The following GFPT1 variants were observed in gnomAD, a reference collection of about 807,000 sequenced individuals.
The protein encoded by GFPT1 is glutamine--fructose-6-phosphate transaminase 1.
Under a neutral mutation model 92.0 loss-of-function variants are expected in GFPT1, and 40 were observed. The observed-to-expected ratio is 0.43, with a 90% confidence interval of 0.34 to 0.57. The LOEUF (loss-of-function observed/expected upper bound fraction) is 0.57. Among genes scored for constraint, GFPT1 ranks in the 20% least tolerant of loss-of-function variants. The probability of loss-of-function intolerance (pLI) is 0.02; values close to 1 mark genes in which losing one functional copy is unlikely to be tolerated. For synonymous variants in GFPT1, 269 were observed against 280.6 expected, an observed-to-expected ratio of 0.96 and a Z score of 0.41; for missense variants, 448 against 869.1, an observed-to-expected ratio of 0.52 and a Z score of 6.09.
At chr2:69,365,512 A>G (rs1035737192) in intron 3 of GFPT1, among the ~76,000 whole-genome samples, 24 of 152,326 alleles carry the variant, frequency 1.6e-4, no homozygotes, top group South Asian at 1.4e-3. Flanking sequence ...CCACAATGGT[A>G]TATTCTATTG....
At chr2:69,378,896 C>T (rs887863906) in intron 1 of GFPT1, among the ~76,000 whole-genome samples, 6 of 152,112 alleles carry the variant, frequency 3.9e-5, no homozygotes, top group Non-Finnish European at 7.3e-5. Context: ...GTCACTTAAA[C>T]TCTAAATTTT....
chr2:69,364,393 G>A (rs1671556975), intron 3 of GFPT1, among the ~76,000 whole-genome samples: 1 of 152,114 alleles, frequency 6.6e-6, no homozygotes, highest in Non-Finnish European at 1.5e-5. Flanking sequence ...CAAGTTTCCT[G>A]GAGATACAAA....
rs371453590 is a variant in GFPT1 at position 69,382,146 on chromosome 2, G to A, written c.7+4919C>T. Among the ~76,000 whole-genome samples the A allele has an allele frequency of 1.8e-4, 27 of 152,252 alleles. No individual in the cohort carries two copies. The East Asian group carries it at 4.0e-3, about 23-fold the overall frequency. ...CCCAAAATGCTGGTATTACCAGAGG[G>A]AACCCCACACTGGGCCTTACTCCTA... On this transcript the variant is annotated intron_variant, in intron 1 of 19. Transcript: ENST00000357308.
chr2:69,368,210 A>G (rs570999313), intron 3 of GFPT1, among the ~76,000 whole-genome samples: 16 of 152,342 alleles, frequency 1.1e-4, no homozygotes, highest in South Asian at 2.1e-4. Flanking sequence ...GTGAAACCCC[A>G]TCTCTACTAA....
rs748958210 is a variant in GFPT1, at chr2:69,352,612, C to CAAAAA, written c.739+1642_739+1646dup. 6.1e-3 allele frequency among the ~76,000 whole-genome samples: 285 copies of CAAAAA among 46,732 alleles called. 10 individuals carry two copies. Among genetic ancestry groups the CAAAAA allele is most frequent in the African/African-American group, 6.8e-3 (89 of 13,014 alleles). 30.7% of individuals were successfully genotyped at this position (46,732 alleles called of 152,430 possible). On this transcript the variant is annotated intron_variant, in intron 9 of 19. Transcript: ENST00000357308. ...TGAGCAACAGAGCGAGACTTCGTCT[C>CAAAAA]AAAAAAAAAAAAAAAAAAAAAAAAA... is the stretch of plus-strand genomic sequence containing the variant.
rs140516718 is a variant in GFPT1 at position 69,357,762 on chromosome 2, G to A, written c.543+567C>T. On this transcript the variant is annotated intron_variant, in intron 6 of 19. Coordinates refer to ENST00000357308, the MANE Select transcript of GFPT1 (RefSeq NM_001244710.2). The stretch of plus-strand genomic sequence containing the variant: ...CTTTGATGTCTTTAATCTTTAATTA[G>A]GAATGTTGGATGGAATCAAAAAGAA... 2.0e-5 allele frequency among the ~76,000 whole-genome samples: 3 copies of A among 152,262 alleles called. No individual in the cohort carries two copies. In the East Asian group the frequency reaches 5.8e-4, roughly 29 times the overall value.
At chr2:69,347,764 T>G (rs1240946787) in intron 11 of GFPT1, among the ~76,000 whole-genome samples, 1 of 152,166 alleles carries the variant, frequency 6.6e-6, no homozygotes, top group African/African-American at 2.4e-5. Context: ...ATTACAGGTG[T>G]GAGCCACCGC....
chr2:69,348,362 A>G (rs1243446050), intron 10 of GFPT1, 28 bp from the exon 11 acceptor site: 2 of 1,529,716 alleles, frequency 1.3e-6, no homozygotes, highest in East Asian at 2.2e-5. Context: ...AGATATTACA[A>G]TCGATAACCA....
chr2:69,339,596 T>TA (rs1217160737), intron 13 of GFPT1, among the ~76,000 whole-genome samples: 6 of 152,230 alleles, frequency 3.9e-5, no homozygotes, highest in Non-Finnish European at 8.8e-5. Flanking sequence ...GGAGCTCACC[T>TA]AACCTGACAG....
rs116751403 is a variant in GFPT1, at chr2:69,358,778, C to A, written c.409-315G>T. On this transcript the variant is annotated intron_variant, in intron 5 of 19. Transcript: ENST00000357308. ...TACTAGCTCAACAACCACATGTGGA[C>A]AGTGGCTACTATACTGAATAGCCCA... Among the ~76,000 whole-genome samples the A allele has an allele frequency of 0.027, 4,128 of 152,256 alleles. 195 individuals are homozygous for A. The highest frequency in any genetic ancestry group is 0.095 in the African/African-American group (3,928 of 41,538).
At position 69,325,916 on chromosome 2, in the gene GFPT1, CAGCATTCTTTAAAGAAAATAAT is replaced by C; in HGVS notation, c.*251_*272del. On this transcript the variant is annotated 3_prime_UTR_variant, in exon 20 of 20. Coordinates refer to ENST00000357308, the MANE Select transcript of GFPT1 (RefSeq NM_001244710.2). Reference sequence around the variant, plus strand: ...GTGGAGGGTCCAGAAATGCAACACCCAGCATTCTTTAAAGAAAATAATAGCTAGAATCTTTCTGATACAGATT... The same window carrying C: ...GTGGAGGGTCCAGAAATGCAACACCCAGCTAGAATCTTTCTGATACAGATT... 2 of 374,490 alleles carry C rather than the reference CAGCATTCTTTAAAGAAAATAAT, an allele frequency of 5.3e-6. No individual in the cohort carries two copies. 23.2% of individuals were successfully genotyped at this position (374,490 alleles called of 1,614,324 possible).
chr2:69,322,927 A>G lies in GFPT1; in HGVS notation c.*3262T>C, dbSNP rs1348929217. ...CTTCATCTTCCCATTCTCTCACCCTATGCCTTCCAATGAACCTAGTCTTTG... is the reference window on the plus strand; with the variant it reads ...CTTCATCTTCCCATTCTCTCACCCTGTGCCTTCCAATGAACCTAGTCTTTG... On this transcript the variant is annotated 3_prime_UTR_variant, in exon 20 of 20. Transcript: ENST00000357308. 2.6e-5 allele frequency: 4 copies of G among 152,168 alleles called. No individual in the cohort carries two copies. 9.4% of individuals were successfully genotyped at this position (152,168 alleles called of 1,614,324 possible). A position where few individuals can be genotyped will look rare whatever the true frequency, so the allele number is the denominator to read the frequency against.
intron 15 of GFPT1, among the ~76,000 whole-genome samples, chr2:69,335,499 A>C (rs1301766515): frequency 6.6e-6 from 1 of 152,182 alleles, no homozygotes; most frequent in Non-Finnish European, 1.5e-5. Context: ...CCCATATCCC[A>C]CATACACCAC....
intron 11 of GFPT1, among the ~76,000 whole-genome samples, chr2:69,346,990 A>G (rs772955473): frequency 3.3e-5 from 5 of 151,672 alleles, no homozygotes; most frequent in Non-Finnish European, 7.4e-5. Flanking sequence ...CCTCACTGCA[A>G]CCTCTGCCTC....
chr2:69,338,568 G>A lies in GFPT1; in HGVS notation c.1204-3C>T, dbSNP rs1307653021. The A allele has an allele frequency of 1.2e-6, 2 of 1,613,782 alleles. No homozygotes were observed. Among genetic ancestry groups the A allele is most frequent in the South Asian group, 1.1e-5 (1 of 91,064 alleles). ...AGCTCCTCAAGAACTTGACGTGTCT[G>A]CAGAGAAAATATGACTTGGTCACAG... On this transcript the variant is annotated splice_polypyrimidine_tract_variant and splice_region_variant and intron_variant, in intron 13 of 19. Coordinates refer to ENST00000357308, the MANE Select transcript of GFPT1 (RefSeq NM_001244710.2).
At chr2:69,329,645 C>T in intron 16 of GFPT1, 39 bp downstream of exon 16, 1 of 1,350,540 alleles carries the variant, frequency 7.4e-7, no homozygotes, top group Non-Finnish European at 1.1e-6. Flanking sequence ...TACCCACTCC[C>T]TTAGACAACA....
chr2:69,378,639 T>G (rs1465129867), intron 1 of GFPT1, among the ~76,000 whole-genome samples: 1 of 152,212 alleles, frequency 6.6e-6, no homozygotes, highest in Non-Finnish European at 1.5e-5. Context: ...ACACACCTGG[T>G]TGAAAGCAAT....
chr2:69,327,137 T>C, intron 18 of GFPT1, 62 bp from the exon 19 acceptor site: 1 of 1,498,936 alleles, frequency 6.7e-7, no homozygotes, highest in Non-Finnish European at 9.3e-7. Flanking sequence ...GGCTATAGCT[T>C]ACGAATGTGC....
intron 4 of GFPT1, among the ~76,000 whole-genome samples, chr2:69,359,759 C>G (rs1039361925): frequency 6.6e-6 from 1 of 152,104 alleles, no homozygotes; most frequent in Non-Finnish European, 1.5e-5. Context: ...TCCTTTCAAA[C>G]TAAAACAATA....
Sources: gnomAD v4.1 joint callset for allele counts (sites outside exome capture counted in the v4.1 genomes callset) on GRCh38, gnomAD v4.1.1 for gene constraint, MANE v1.5 for transcripts, NCBI Gene and HGNC (gene_info 2026-07-23, HGNC 2026-07-21) for gene names.